FOXP1: variants seen among roughly 807,000 people sequenced by gnomAD.
The protein encoded by FOXP1 is forkhead box protein P1.
Under a neutral mutation model 98.2 loss-of-function variants are expected in FOXP1, and 15 were observed. That is an observed-to-expected ratio of 0.15 (90% CI 0.10 to 0.24). The LOEUF is 0.24. Among genes scored for constraint, FOXP1 ranks in the 10% least tolerant of loss-of-function variants. The pLI, the probability that FOXP1 is intolerant of heterozygous loss-of-function variation, is 1.00. For missense variants in FOXP1, 633 were observed against 848.5 expected, an observed-to-expected ratio of 0.75 and a Z score of 3.15; for synonymous variants, 371 against 314.5, an observed-to-expected ratio of 1.18 and a Z score of -1.90.
At chr3:71,179,486 T>C (rs2062157579) in intron 6 of FOXP1, among the ~76,000 whole-genome samples, 1 of 152,092 alleles carries the variant, frequency 6.6e-6, no homozygotes, top group Non-Finnish European at 1.5e-5. Context: ...GGGGAGGAGT[T>C]AGAAAAACAT....
intron 4 of FOXP1, among the ~76,000 whole-genome samples, chr3:71,305,247 A>G: frequency 6.6e-6 from 1 of 152,202 alleles, no homozygotes; most frequent in East Asian, 1.9e-4. Context: ...AAATTCCTAG[A>G]GCAAACAGTT....
intron 3 of FOXP1, among the ~76,000 whole-genome samples, chr3:71,442,824 C>G (rs1451508683): frequency 6.6e-6 from 1 of 152,162 alleles, no homozygotes; most frequent in Non-Finnish European, 1.5e-5. Flanking sequence ...CCACTTGGGA[C>G]TTAATCTGAA....
At chr3:71,359,575 G>C (rs922688016) in intron 3 of FOXP1, among the ~76,000 whole-genome samples, 1 of 152,058 alleles carries the variant, frequency 6.6e-6, no homozygotes, top group Non-Finnish European at 1.5e-5. Context: ...CTGAGACAGG[G>C]TCTCGCTCTG....
chr3:71,135,416 G>GA (rs1195656033), intron 6 of FOXP1, among the ~76,000 whole-genome samples: 1 of 152,082 alleles, frequency 6.6e-6, no homozygotes, highest in East Asian at 1.9e-4. Flanking sequence ...GAACACAGAG[G>GA]AAAAAAGTAA....
chr3:71,253,286 G>A (rs1304359557), intron 5 of FOXP1, among the ~76,000 whole-genome samples: 1 of 152,196 alleles, frequency 6.6e-6, no homozygotes, highest in Middle Eastern at 3.2e-3. Flanking sequence ...TCTTAGGGTA[G>A]ATAAAGAACC....
At chr3:71,049,220 T>C (rs1323294772) in intron 9 of FOXP1, among the ~76,000 whole-genome samples, 1 of 152,126 alleles carries the variant, frequency 6.6e-6, no homozygotes, top group Non-Finnish European at 1.5e-5. Flanking sequence ...CAAAGGTCTG[T>C]TTTCCTTTCT....
chr3:71,290,618 C>T (rs1485828050), intron 5 of FOXP1, among the ~76,000 whole-genome samples: 1 of 152,194 alleles, frequency 6.6e-6, no homozygotes, highest in South Asian at 2.1e-4. Flanking sequence ...CCCTCAATGG[C>T]TCCCCAATAA....
Position 71,407,773 on chromosome 3 carries a change from A to C in FOXP1, c.-167-48529T>G, listed in dbSNP as rs575401487. On this transcript the variant is annotated intron_variant, in intron 3 of 20. Coordinates refer to ENST00000649528, the MANE Select transcript of FOXP1 (RefSeq NM_001349338.3). The stretch of plus-strand genomic sequence containing the variant: ...GCACAAAAATAGGGACCAAAAAAAA[A>C]AAATCTCCATTTCAGCATTTCCCAT... Among the ~76,000 whole-genome samples, 806 of 152,302 alleles carry C rather than the reference A, an allele frequency of 5.3e-3. 10 individuals carry two copies. Among genetic ancestry groups the C allele is most frequent in the African/African-American group, 0.018 (759 of 41,542 alleles).
At chr3:71,169,198 G>T (rs948313717) in intron 6 of FOXP1, among the ~76,000 whole-genome samples, 1 of 152,154 alleles carries the variant, frequency 6.6e-6, no homozygotes, top group African/African-American at 2.4e-5. Context: ...CCATCACAGT[G>T]GACGCCTGTC....
At chr3:71,446,997 G>A (rs543660590) in intron 3 of FOXP1, among the ~76,000 whole-genome samples, 2 of 152,368 alleles carry the variant, frequency 1.3e-5, no homozygotes, top group South Asian at 4.1e-4. Flanking sequence ...GGGAGTGGGT[G>A]GGAATGCATC....
chr3:71,504,989 C>A (rs532450426), intron 2 of FOXP1, among the ~76,000 whole-genome samples: 12 of 152,234 alleles, frequency 7.9e-5, no homozygotes, highest in African/African-American at 2.9e-4. Flanking sequence ...TACAGATGAA[C>A]GAACCAAGGC....
intron 11 of FOXP1, among the ~76,000 whole-genome samples, chr3:71,017,295 G>T (rs943124291): frequency 1.3e-5 from 2 of 151,940 alleles, no homozygotes; most frequent in Admixed American, 6.6e-5. Flanking sequence ...TATTACAAAT[G>T]AAAGAATACT....
intron 5 of FOXP1, among the ~76,000 whole-genome samples, chr3:71,202,479 T>G (rs1045586306): frequency 5.3e-5 from 8 of 152,238 alleles, no homozygotes; most frequent in African/African-American, 1.9e-4. Context: ...AGCCTTTATA[T>G]CTGTATCACA....
chr3:70,970,712 A>G, intron 19 of FOXP1, 24 bp downstream of exon 19: 1 of 1,588,486 alleles, frequency 6.3e-7, no homozygotes, highest in South Asian at 1.1e-5. Context: ...TCTGCTGCAT[A>G]TTCGGGACGG....
At chr3:71,313,208 C>G (rs1230508233) in intron 4 of FOXP1, among the ~76,000 whole-genome samples, 2 of 149,718 alleles carry the variant, frequency 1.3e-5, no homozygotes, top group Non-Finnish European at 3.0e-5. Flanking sequence ...TACAGGCGCC[C>G]GCCACCACGC....
At chr3:71,040,152 T>G (rs1363764663) in intron 11 of FOXP1, 10 of 151,960 alleles carry the variant, frequency 6.6e-5, no homozygotes, top group Non-Finnish European at 1.3e-4. Context: ...TGTGTGTGTG[T>G]TCAGATAATA....
At chr3:71,125,712 A>T (rs1305453750) in intron 6 of FOXP1, among the ~76,000 whole-genome samples, 2 of 152,202 alleles carry the variant, frequency 1.3e-5, no homozygotes, top group Non-Finnish European at 2.9e-5. Context: ...AGGCATGAAG[A>T]AGTAAGGATT....
intron 3 of FOXP1, among the ~76,000 whole-genome samples, chr3:71,467,198 T>C (rs2088853356): frequency 4.6e-5 from 7 of 152,240 alleles, no homozygotes; most frequent in Admixed American, 4.6e-4. Context: ...TACTTATGCC[T>C]ATGCACATAC....
At chr3:71,512,383 T>C (rs1259411907) in intron 2 of FOXP1, among the ~76,000 whole-genome samples, 1 of 152,078 alleles carries the variant, frequency 6.6e-6, no homozygotes, top group Non-Finnish European at 1.5e-5. Context: ...CAGAGCCATA[T>C]CCCACCTCTC....
Sources: allele counts gnomAD v4.1 joint callset (sites outside exome capture counted in the v4.1 genomes callset), GRCh38; gene constraint gnomAD v4.1.1; transcripts MANE v1.5; gene names NCBI Gene and HGNC (gene_info 2026-07-23, HGNC 2026-07-21).